DYM: variants seen among roughly 807,000 people sequenced by gnomAD.
DYM encodes dymeclin.
In DYM, 78 loss-of-function variants were observed where a neutral mutation model predicts 93.1. The ratio of observed to expected loss-of-function variants is 0.84; its 90% CI spans 0.70 to 1.01. DYM has a LOEUF of 1.01. Among genes scored for constraint, DYM ranks in the 50% least tolerant of loss-of-function variants. The pLI is 0.00. For missense variants in DYM, 789 were observed against 845.0 expected, an observed-to-expected ratio of 0.93 and a Z score of 0.82; for synonymous variants, 321 against 319.7, an observed-to-expected ratio of 1.00 and a Z score of -0.04.
chr18:49,218,812 C>T lies in DYM; in HGVS notation c.1461-9097G>A, dbSNP rs1263361846. ...CCCACAAGAGAAAGCAGGACAGATC[C>T]AAAATTGACACCCTAACATCACAAT... On this transcript the variant is annotated intron_variant, in intron 13 of 17. Transcript: ENST00000675505. Among the ~76,000 whole-genome samples the T allele has an allele frequency of 4.6e-5, 7 of 152,114 alleles. No individual in the cohort carries two copies. In the South Asian group the frequency reaches 8.3e-4, roughly 18 times the overall value.
At chr18:49,234,485 C>G (rs2093802587) in intron 13 of DYM, among the ~76,000 whole-genome samples, 1 of 152,050 alleles carries the variant, frequency 6.6e-6, no homozygotes, top group South Asian at 2.1e-4. Context: ...TGTCTCACTT[C>G]ACTTTTTATT....
chr18:49,190,387 G>A (rs184347496), intron 14 of DYM, among the ~76,000 whole-genome samples: 1 of 152,286 alleles, frequency 6.6e-6, no homozygotes, highest in East Asian at 1.9e-4. Flanking sequence ...GTTTAGGACT[G>A]AAGGATATCA....
At chr18:49,057,011 T>G (rs984891829) in intron 17 of DYM, among the ~76,000 whole-genome samples, 1 of 152,202 alleles carries the variant, frequency 6.6e-6, no homozygotes, top group African/African-American at 2.4e-5. Context: ...GCTTTTACCC[T>G]TTCCTGTACA....
intron 3 of DYM, among the ~76,000 whole-genome samples, chr18:49,382,170 G>T (rs1288906032): frequency 2.0e-5 from 3 of 151,980 alleles, no homozygotes; most frequent in African/African-American, 7.3e-5. Flanking sequence ...TGTGTTTTTG[G>T]AAAGAGTAAC....
chr18:49,155,228 TATTA>T (rs2086264701), intron 15 of DYM, among the ~76,000 whole-genome samples: 4 of 152,238 alleles, frequency 2.6e-5, no homozygotes, highest in South Asian at 2.1e-4. Flanking sequence ...CTCCTTAAAA[TATTA>T]ATTATTTCAA....
intron 3 of DYM, among the ~76,000 whole-genome samples, chr18:49,381,490 C>T (rs1302421149): frequency 3.3e-5 from 5 of 152,122 alleles, no homozygotes; most frequent in East Asian, 3.8e-4. Flanking sequence ...GCTCATGGAC[C>T]GGCCACAACA....
intron 17 of DYM, among the ~76,000 whole-genome samples, chr18:49,067,921 A>T (rs2076598402): frequency 6.6e-6 from 1 of 152,064 alleles, no homozygotes; most frequent in South Asian, 2.1e-4. Context: ...TGCTGACAGA[A>T]CACCCACCCC....
intron 15 of DYM, among the ~76,000 whole-genome samples, chr18:49,137,666 A>G (rs1002167194): frequency 1.3e-5 from 2 of 152,196 alleles, no homozygotes; most frequent in Non-Finnish European, 2.9e-5. Flanking sequence ...CTGTCCTCTA[A>G]GTTTATAAAT....
At chr18:49,181,864 C>A (rs1321500212) in intron 14 of DYM, among the ~76,000 whole-genome samples, 1 of 151,562 alleles carries the variant, frequency 6.6e-6, no homozygotes, top group Non-Finnish European at 1.5e-5. Context: ...ATTTGTTGTT[C>A]TTTTTCTAGT....
intron 3 of DYM, among the ~76,000 whole-genome samples, chr18:49,386,241 A>C (rs1362019474): frequency 6.6e-6 from 1 of 152,240 alleles, no homozygotes; most frequent in Non-Finnish European, 1.5e-5. Context: ...AGAAGGCAGT[A>C]GAATAATATG....
intron 5 of DYM, among the ~76,000 whole-genome samples, chr18:49,366,650 T>A (rs980828901): frequency 1.1e-4 from 16 of 152,088 alleles, no homozygotes; most frequent in Admixed American, 9.8e-4. Flanking sequence ...CAAACAAGAG[T>A]TCTCCCTTAA....
At chr18:49,263,329 G>A (rs1265622343) in intron 11 of DYM, among the ~76,000 whole-genome samples, 2 of 151,634 alleles carry the variant, frequency 1.3e-5, no homozygotes, top group Admixed American at 1.3e-4. Context: ...ATGTTCGCCA[G>A]GCTAGTCTCA....
At chr18:49,349,135 G>A (rs1414420975) in intron 6 of DYM, among the ~76,000 whole-genome samples, 2 of 152,156 alleles carry the variant, frequency 1.3e-5, no homozygotes, top group Non-Finnish European at 2.9e-5. Context: ...TTGAACCTGG[G>A]AGGCGGAGGT....
intron 11 of DYM, among the ~76,000 whole-genome samples, chr18:49,270,431 G>T (rs974139683): frequency 6.6e-6 from 1 of 152,168 alleles, no homozygotes; most frequent in African/African-American, 2.4e-5. Flanking sequence ...CCAGGGGGTG[G>T]ATGTGAGAAA....
intron 2 of DYM, among the ~76,000 whole-genome samples, chr18:49,420,849 A>G (rs146806347): frequency 2.0e-5 from 3 of 152,124 alleles, no homozygotes; most frequent in African/African-American, 7.2e-5. Flanking sequence ...AGCAAACGGC[A>G]CATCAGGAGA....
At chr18:49,078,639 T>C (rs2077519907) in intron 17 of DYM, among the ~76,000 whole-genome samples, 1 of 152,202 alleles carries the variant, frequency 6.6e-6, no homozygotes, top group Non-Finnish European at 1.5e-5. Context: ...GTCAGAAATA[T>C]CAAGAGTTTC....
intron 1 of DYM, among the ~76,000 whole-genome samples, chr18:49,455,717 C>T (rs1473537612): frequency 6.6e-6 from 1 of 152,006 alleles, no homozygotes; most frequent in Admixed American, 6.5e-5. Context: ...TTTGGGAGGC[C>T]GAGGTGGGTG....
At chr18:49,404,219 GCTGGTCTCGAA>G (rs2071188915) in intron 2 of DYM, among the ~76,000 whole-genome samples, 1 of 152,048 alleles carries the variant, frequency 6.6e-6, no homozygotes, top group Admixed American at 6.6e-5. Context: ...TGTTGGCCAG[GCTGGTCTCGAA>G]CTCCTGACCT....
In DYM at chr18:49,256,947, T is replaced by C. The variant is rs760257773; in HGVS notation, c.1460+63A>G. 16 of 1,350,046 alleles carry C rather than the reference T, an allele frequency of 1.2e-5. No homozygotes were observed. The South Asian group carries it at 1.2e-4, about 10-fold the overall frequency. The allele number at this position is 1,350,046 out of a possible 1,614,324, so 83.6% of individuals were successfully genotyped here. A position where few individuals can be genotyped will look rare whatever the true frequency, so the allele number is the denominator to read the frequency against. On this transcript the variant is annotated intron_variant, in intron 13 of 17. Coordinates refer to ENST00000675505, the MANE Select transcript of DYM (RefSeq NM_001353214.3). ...GGTAACATTTAAAAAGGAACCACCA[T>C]AGTATCCATCTTAATAGCTCAGCCA...
Sources: allele counts gnomAD v4.1 joint callset (sites outside exome capture counted in the v4.1 genomes callset), GRCh38; gene constraint gnomAD v4.1.1; transcripts MANE v1.5; gene names NCBI Gene and HGNC (gene_info 2026-07-23, HGNC 2026-07-21).